Variants in DNAJC5B observed in about 807,000 individuals in gnomAD.
The protein encoded by DNAJC5B is dnaJ homolog subfamily C member 5B.
Under a neutral mutation model 24.7 loss-of-function variants are expected in DNAJC5B, and 23 were observed. The observed-to-expected ratio is 0.93, with a 90% CI of 0.67 to 1.32. The LOEUF is 1.32. DNAJC5B is among the 40% of genes most tolerant of loss of function. The probability of loss-of-function intolerance (pLI) is 0.00; values close to 1 mark genes in which losing one functional copy is unlikely to be tolerated. For synonymous variants in DNAJC5B, 101 were observed against 90.1 expected (o/e 1.12, Z -0.68); for missense variants, 238 against 240.8 (o/e 0.99, Z 0.08).
At chr8:66,064,420 T>G (rs1292888181) in intron 3 of DNAJC5B, among the ~76,000 whole-genome samples, 1 of 152,102 alleles carries the variant, frequency 6.6e-6, no homozygotes, top group Non-Finnish European at 1.5e-5. Flanking sequence ...TGCTGAGAGC[T>G]TTGACTAGAA....
chr8:66,058,783 C>T (rs1807020025), intron 3 of DNAJC5B, among the ~76,000 whole-genome samples: 1 of 152,154 alleles, frequency 6.6e-6, no homozygotes, highest in Non-Finnish European at 1.5e-5. Flanking sequence ...AAAATGGAGT[C>T]CCCAGCTACC....
At chr8:66,064,887 TAGAG>T (rs1274361361) in intron 3 of DNAJC5B, among the ~76,000 whole-genome samples, 1 of 152,104 alleles carries the variant, frequency 6.6e-6, no homozygotes, top group Admixed American at 6.6e-5. Flanking sequence ...TCTACCTTAT[TAGAG>T]AGGGTAATGA....
Position 66,051,166 on chromosome 8 carries a change from T to C in DNAJC5B, c.-17-365T>C, listed in dbSNP as rs114675843. Among the ~76,000 whole-genome samples the C allele has an allele frequency of 7.4e-3, 1,128 of 152,216 alleles. 12 individuals are homozygous for C. The highest frequency in any genetic ancestry group is 0.026 in the African/African-American group (1,060 of 41,512). On this transcript the variant is annotated intron_variant, in intron 2 of 5. Coordinates refer to ENST00000276570, the MANE Select transcript of DNAJC5B (RefSeq NM_033105.6). ...TCCATTGCTGGCTAAATTTGGAAAA[T>C]ATATGAAAAAGAAGTTAAGCAAATT...
Position 66,049,310 on chromosome 8 carries a change from T to C in DNAJC5B, c.-17-2221T>C, listed in dbSNP as rs1806794999. ...TTGCCTGTTATATAAAAGTGTACAATGACCTAGGACTTCATATTCACTCAT... is the reference window on the plus strand; with the variant it reads ...TTGCCTGTTATATAAAAGTGTACAACGACCTAGGACTTCATATTCACTCAT... On this transcript the variant is annotated intron_variant, in intron 2 of 5. Coordinates refer to ENST00000276570, the MANE Select transcript of DNAJC5B (RefSeq NM_033105.6). 2.0e-5 allele frequency among the ~76,000 whole-genome samples: 3 copies of C among 152,158 alleles called. No homozygotes were observed. In the South Asian group the frequency reaches 6.2e-4, roughly 32 times the overall value.
intron 2 of DNAJC5B, among the ~76,000 whole-genome samples, chr8:66,046,139 G>T (rs1195228667): frequency 6.6e-6 from 1 of 152,142 alleles, no homozygotes; most frequent in Admixed American, 6.5e-5. Flanking sequence ...CCAGAGACCA[G>T]GAATCTTCTT....
At chr8:66,034,454 C>CAG (rs541896019) in intron 1 of DNAJC5B, among the ~76,000 whole-genome samples, 3 of 151,904 alleles carry the variant, frequency 2.0e-5, no homozygotes, top group Non-Finnish European at 4.4e-5. Context: ...ATGGTGATCT[C>CAG]AGAGATTTCA....
chr8:66,067,217 A>G lies in DNAJC5B; in HGVS notation c.120-9443A>G, dbSNP rs1464039486. ...ACTTCCCACCGCCCCCCACCCCCAC[A>G]TATTTTAAAAGCATTTGCGAGTAAA... is the stretch of plus-strand genomic sequence containing the variant. On this transcript the variant is annotated intron_variant, in intron 3 of 5. Transcript: ENST00000276570. Among the ~76,000 whole-genome samples, 3 of 46,384 alleles carry G rather than the reference A, an allele frequency of 6.5e-5. No individual in the cohort carries two copies. The East Asian group carries it at 1.8e-3, about 27-fold the overall frequency. The allele number at this position is 46,384 out of a possible 152,430, so 30.4% of individuals were successfully genotyped here.
At position 66,052,617 on chromosome 8, in the gene DNAJC5B, T is replaced by C. The variant is rs191190591; in HGVS notation, c.119+951T>C. 3.3e-5 allele frequency among the ~76,000 whole-genome samples: 5 copies of C among 152,296 alleles called. No homozygotes were observed. The East Asian group carries it at 9.7e-4, about 29-fold the overall frequency. On this transcript the variant is annotated intron_variant, in intron 3 of 5. Transcript: ENST00000276570. ...GGCCTGTCAGTGACAGAAGAAGCAC[T>C]GGTTTGGGGCTTCCTACTCCAGGAG... is the stretch of plus-strand genomic sequence containing the variant.
intron 3 of DNAJC5B, among the ~76,000 whole-genome samples, chr8:66,064,558 T>C (rs983452946): frequency 3.3e-5 from 5 of 152,236 alleles, no homozygotes; most frequent in Admixed American, 6.5e-5. Flanking sequence ...ATTGCTGGCC[T>C]GAAGAAAAAC....
At chr8:66,091,018 C>T (rs1308889074) in intron 5 of DNAJC5B, among the ~76,000 whole-genome samples, 1 of 152,180 alleles carries the variant, frequency 6.6e-6, no homozygotes, top group Admixed American at 6.5e-5. Context: ...CAAAAAGCAG[C>T]TCAAAGTGAA....
At chr8:66,098,080 C>T (rs987218638) in intron 5 of DNAJC5B, among the ~76,000 whole-genome samples, 5 of 152,222 alleles carry the variant, frequency 3.3e-5, no homozygotes, top group African/African-American at 9.6e-5. Context: ...TTTTGAACTC[C>T]TGACCTCAGG....
At chr8:66,046,972 T>G (rs746931640) in intron 2 of DNAJC5B, among the ~76,000 whole-genome samples, 40 of 152,238 alleles carry the variant, frequency 2.6e-4, no homozygotes, top group Non-Finnish European at 5.1e-4. Flanking sequence ...ATTCATGCCC[T>G]CCTTGTGGGT....
upstream of DNAJC5B, among the ~76,000 whole-genome samples, chr8:66,018,391 G>C (rs1047417696): frequency 6.7e-6 from 1 of 149,418 alleles, no homozygotes; most frequent in African/African-American, 2.5e-5. Context: ...GGTGGGGGGG[G>C]TGCCTGTAAG....
In DNAJC5B at chr8:66,044,270, A is replaced by C. The variant is rs376345382; in HGVS notation, c.-18+659A>C. On this transcript the variant is annotated intron_variant, in intron 2 of 5. Coordinates refer to ENST00000276570, the MANE Select transcript of DNAJC5B (RefSeq NM_033105.6). ...CCACTAAACAAATTTCTATGAAGGA[A>C]TCATAGAAGTAATGACAAAGCAGCA... 6.6e-5 allele frequency among the ~76,000 whole-genome samples: 10 copies of C among 152,298 alleles called. No homozygotes were observed. The East Asian group carries it at 9.7e-4, about 15-fold the overall frequency.
chr8:66,020,718 G>C (rs762103978), upstream of DNAJC5B, among the ~76,000 whole-genome samples: 6 of 151,456 alleles, frequency 4.0e-5, no homozygotes, highest in Admixed American at 4.0e-4. Flanking sequence ...ACTCATTGCA[G>C]CTTCGATATC....
In DNAJC5B at chr8:66,100,155, G is replaced by A. The variant is rs186180347; in HGVS notation, c.*124G>A. ...TTCCATCTTGTTGTTTTATTTTTGG[G>A]TTAGGAAAACATGATTGCTATATAA... On this transcript the variant is annotated 3_prime_UTR_variant, in exon 6 of 6. Coordinates refer to ENST00000276570, the MANE Select transcript of DNAJC5B (RefSeq NM_033105.6). The A allele has an allele frequency of 1.5e-4, 123 of 796,726 alleles. No individual in the cohort carries two copies. The highest frequency in any genetic ancestry group is 2.1e-4 in the Admixed American group (7 of 33,220). The allele number at this position is 796,726 out of a possible 1,614,324, so 49.4% of individuals were successfully genotyped here. A position where few individuals can be genotyped will look rare whatever the true frequency, so the allele number is the denominator to read the frequency against.
In DNAJC5B at chr8:66,078,046, C is replaced by T. The variant is rs1255100721; in HGVS notation, c.333+1173C>T. On this transcript the variant is annotated intron_variant, in intron 4 of 5. Transcript: ENST00000276570. ...TTTGTGGGTTTGCGTGGGAACCCAA[C>T]CTCTGGGCGTGACACTCTTTCCATG... Among the ~76,000 whole-genome samples the T allele has an allele frequency of 3.3e-5, 5 of 151,776 alleles. No individual in the cohort carries two copies. In the East Asian group the frequency reaches 5.8e-4, roughly 18 times the overall value.
At position 66,080,426 on chromosome 8, in the gene DNAJC5B, G is replaced by A; in HGVS notation, c.383G>A (p.Cys128Tyr). The change falls in exon 5 of 6, where the codon TGC becomes TAC. Residue 128 changes from cysteine (C) to tyrosine (Y), a missense_variant. Coordinates refer to ENST00000276570, the MANE Select transcript of DNAJC5B (RefSeq NM_033105.6). ...GLLTGCYFCCCLCCCCNCCCG... is the reference protein window; with the variant it reads ...GLLTGCYFCCYLCCCCNCCCG... ...TTGACGGGCTGCTACTTTTGCTGCT[G>A]CCTGTGCTGCTGCTGCAACTGCTGC... 6.2e-7 allele frequency: 1 copy of A among 1,614,004 alleles called. No individual in the cohort carries two copies. The highest frequency in any genetic ancestry group is 1.1e-5 in the South Asian group (1 of 91,080).
In DNAJC5B at chr8:66,039,093, T is replaced by G. The variant is rs58165070; in HGVS notation, c.-141-4395T>G. On this transcript the variant is annotated intron_variant, in intron 1 of 5. Transcript: ENST00000276570. ...ATTACCACAATGTTTTTCTTTAGCT[T>G]TAACACATGCACCATTTGGCACAGT... is the stretch of plus-strand genomic sequence containing the variant. Among the ~76,000 whole-genome samples the G allele has an allele frequency of 8.5e-4, 129 of 152,312 alleles. 2 individuals are homozygous for G. In the East Asian group the frequency reaches 0.024, roughly 28 times the overall value.
Sources: gnomAD v4.1 joint callset for allele counts (sites outside exome capture counted in the v4.1 genomes callset) on GRCh38, gnomAD v4.1.1 for gene constraint, MANE v1.5 for transcripts, NCBI Gene and HGNC (gene_info 2026-07-23, HGNC 2026-07-21) for gene names.